The following PCDHA3 variants were observed in gnomAD, a reference collection of about 807,000 sequenced individuals.
The protein encoded by PCDHA3 is protocadherin alpha 3.
Under a neutral mutation model 62.2 loss-of-function variants are expected in PCDHA3, and 41 were observed. That is an observed-to-expected ratio of 0.66 (90% CI 0.51 to 0.86). PCDHA3 has a LOEUF of 0.86. Ranked by LOEUF, PCDHA3 falls within the 40% of genes least tolerant of loss-of-function variation. PCDHA3 has a pLI of 0.00. For missense variants in PCDHA3, 1,304 were observed against 1,241.2 expected (o/e 1.05, Z -0.76); for synonymous variants, 640 against 555.4 (o/e 1.15, Z -2.14).
chr5:140,977,067 A>G (rs2096744217), intron 1 of PCDHA3, among the ~76,000 whole-genome samples: 1 of 152,250 alleles, frequency 6.6e-6, no homozygotes, highest in South Asian at 2.1e-4. Context: ...TATAGAAAAT[A>G]GCAGCATGAC....
At chr5:140,993,538 A>T (rs1175611433) in intron 3 of PCDHA3, among the ~76,000 whole-genome samples, 1 of 151,668 alleles carries the variant, frequency 6.6e-6, no homozygotes, top group Non-Finnish European at 1.5e-5. Context: ...AGAGAGAGAG[A>T]TAGAGAAGTG....
At chr5:140,806,944 G>A (rs1280740122) in intron 1 of PCDHA3, 4 of 576,276 alleles carry the variant, frequency 6.9e-6, no homozygotes, top group Non-Finnish European at 9.2e-6. Flanking sequence ...TTACAGTAGA[G>A]TGTGTGGGGG....
intron 1 of PCDHA3, among the ~76,000 whole-genome samples, chr5:140,954,349 G>A (rs554018151): frequency 2.0e-4 from 31 of 152,312 alleles, no homozygotes; most frequent in Admixed American, 1.8e-3. Flanking sequence ...AGATCTTTGA[G>A]GAATCGCCAC....
rs782680310 is a variant in PCDHA3, at chr5:140,801,385, T to A, written c.188T>A (p.Leu63Gln). Residue 63 changes from leucine (L) to glutamine (Q), a missense_variant, in exon 1 of 4, where the codon CTG becomes CAG. Leu to Gln is a moderately radical substitution (Grantham distance 113, BLOSUM62 -2). Coordinates refer to ENST00000522353, the MANE Select transcript of PCDHA3 (RefSeq NM_018906.3). ...GLELAELVPRLFRVASKRHGD... is the reference protein window; with the variant it reads ...GLELAELVPRQFRVASKRHGD... ...GAGCTGGCGGAGCTGGTGCCGCGCC[T>A]GTTCCGGGTGGCGTCCAAAAGACAC... is the stretch of plus-strand genomic sequence containing the variant. The A allele has an allele frequency of 6.2e-7, 1 of 1,613,576 alleles. No homozygotes were observed. Among genetic ancestry groups the A allele is most frequent in the Non-Finnish European group, 8.5e-7 (1 of 1,179,976 alleles).
At chr5:140,915,825 C>T (rs1272581051) in intron 1 of PCDHA3, among the ~76,000 whole-genome samples, 1 of 152,118 alleles carries the variant, frequency 6.6e-6, no homozygotes, top group Non-Finnish European at 1.5e-5. Flanking sequence ...GGCCCTAGGG[C>T]TCTAAGATCA....
chr5:140,839,718 T>C (rs182752192), intron 1 of PCDHA3, among the ~76,000 whole-genome samples: 1 of 152,078 alleles, frequency 6.6e-6, no homozygotes, highest in African/African-American at 2.4e-5. Flanking sequence ...CAAATTTAAA[T>C]CATTTCACAG....
chr5:140,968,029 G>A, intron 1 of PCDHA3: 1 of 1,614,170 alleles, frequency 6.2e-7, no homozygotes, highest in Non-Finnish European at 8.5e-7. Context: ...CCTATACACT[G>A]GTGGTGAGCG....
chr5:140,877,668 C>A (rs782433528), intron 1 of PCDHA3: 58 of 1,613,452 alleles, frequency 3.6e-5, no homozygotes, highest in Admixed American at 5.0e-5. Flanking sequence ...TGAGCCGGTG[C>A]GCGCCGGGCA....
chr5:140,963,509 G>A, intron 1 of PCDHA3, among the ~76,000 whole-genome samples: 1 of 152,164 alleles, frequency 6.6e-6, no homozygotes, highest in Non-Finnish European at 1.5e-5. Flanking sequence ...CTCTTGAAGG[G>A]GTTCTCATAA....
intron 1 of PCDHA3, among the ~76,000 whole-genome samples, chr5:140,888,156 A>G (rs556908449): frequency 6.6e-6 from 1 of 152,182 alleles, no homozygotes; most frequent in African/African-American, 2.4e-5. Flanking sequence ...CATGACTGGT[A>G]ATCTCTAATA....
chr5:140,911,583 G>C (rs1245667621), intron 1 of PCDHA3, among the ~76,000 whole-genome samples: 4 of 152,150 alleles, frequency 2.6e-5, no homozygotes, highest in African/African-American at 7.2e-5. Context: ...GTGAACTTAG[G>C]AGGAACCAAC....
At position 141,007,395 on chromosome 5, in the gene PCDHA3, C is replaced by CA. The variant is rs35800918; in HGVS notation, c.2543-2209dup. 5.3e-3 allele frequency among the ~76,000 whole-genome samples: 498 copies of CA among 94,810 alleles called. 4 individuals carry two copies. The highest frequency in any genetic ancestry group is 0.049 in the East Asian group (166 of 3,398). 62.2% of individuals were successfully genotyped at this position (94,810 alleles called of 152,430 possible). On this transcript the variant is annotated intron_variant, in intron 3 of 3. Transcript: ENST00000522353. The stretch of plus-strand genomic sequence containing the variant: ...ATGGAACACCATCTCTACTAAAATA[C>CA]AAAAAAAAAAAAAAAAAAAAAAATT...
At chr5:140,924,395 G>C (rs919795787) in intron 1 of PCDHA3, among the ~76,000 whole-genome samples, 1 of 152,024 alleles carries the variant, frequency 6.6e-6, no homozygotes, top group East Asian at 1.9e-4. Context: ...TACTTATATT[G>C]CCTTATATCA....
intron 1 of PCDHA3, among the ~76,000 whole-genome samples, chr5:140,956,551 C>G (rs995941205): frequency 1.3e-5 from 2 of 152,148 alleles, no homozygotes; most frequent in Non-Finnish European, 2.9e-5. Flanking sequence ...ATTTGGTTTG[C>G]CAGTATCTTA....
At chr5:140,909,353 T>C (rs2074452823) in intron 1 of PCDHA3, among the ~76,000 whole-genome samples, 1 of 152,156 alleles carries the variant, frequency 6.6e-6, no homozygotes, top group Non-Finnish European at 1.5e-5. Flanking sequence ...CCAAGAGATG[T>C]GTTAATTTGT....
chr5:140,835,758 G>A (rs2150244199), intron 1 of PCDHA3: 9 of 1,613,436 alleles, frequency 5.6e-6, no homozygotes, highest in Non-Finnish European at 7.6e-6. Flanking sequence ...CGCGCAGCCC[G>A]AGTATACGGT....
In PCDHA3 at chr5:140,820,570, T is replaced by C. The variant is rs143023207; in HGVS notation, c.2394+16979T>C. Among the ~76,000 whole-genome samples, 141 of 152,188 alleles carry C rather than the reference T, an allele frequency of 9.3e-4. 1 individual carries two copies. Among genetic ancestry groups the C allele is most frequent in the African/African-American group, 3.3e-3 (136 of 41,568 alleles). On this transcript the variant is annotated intron_variant, in intron 1 of 3. Coordinates refer to ENST00000522353, the MANE Select transcript of PCDHA3 (RefSeq NM_018906.3). ...ACTTGGTGATATTTTCTTTTGCCCATATTTATTAAGTGAAGTTTACTAAAT... is the reference window on the plus strand; with the variant it reads ...ACTTGGTGATATTTTCTTTTGCCCACATTTATTAAGTGAAGTTTACTAAAT...
At chr5:140,830,175 A>G in intron 1 of PCDHA3, 7 of 1,613,542 alleles carry the variant, frequency 4.3e-6, no homozygotes, top group Non-Finnish European at 5.9e-6. Flanking sequence ...GCGCTGGTGG[A>G]TGTCAACGTG....
At chr5:140,855,984 A>G in intron 1 of PCDHA3, 1 of 1,472,240 alleles carries the variant, frequency 6.8e-7, no homozygotes, top group East Asian at 2.3e-5. Flanking sequence ...AGGACAGAAA[A>G]TGTCAGATCG....
Sources: allele counts gnomAD v4.1 joint callset (sites outside exome capture counted in the v4.1 genomes callset), GRCh38; gene constraint gnomAD v4.1.1; transcripts MANE v1.5; gene names NCBI Gene and HGNC (gene_info 2026-07-23, HGNC 2026-07-21).